Variants in EIF3H observed in about 807,000 individuals in gnomAD.
EIF3H encodes eIF-3-gamma.
A neutral mutation model predicts 44.2 loss-of-function variants in EIF3H; 26 were observed. The observed-to-expected ratio is 0.59, with a 90% CI of 0.43 to 0.82. The LOEUF is 0.82. Ranked by LOEUF, EIF3H falls within the 40% of genes least tolerant of loss-of-function variation. The pLI is 0.00. For missense variants in EIF3H, 359 were observed against 432.8 expected (o/e 0.83, Z 1.51); for synonymous variants, 166 against 151.9 (o/e 1.09, Z -0.68).
At chr8:116,659,240 C>G (rs2130795300) in intron 2 of EIF3H, among the ~76,000 whole-genome samples, 1 of 152,240 alleles carries the variant, frequency 6.6e-6, no homozygotes, top group Non-Finnish European at 1.5e-5. Context: ...ATACCTTGTT[C>G]TAACCAAAGA....
intron 2 of EIF3H, among the ~76,000 whole-genome samples, chr8:116,663,847 T>A (rs1232652959): frequency 6.6e-6 from 1 of 151,362 alleles, no homozygotes; most frequent in Non-Finnish European, 1.5e-5. Context: ...GCAAGAATTG[T>A]TTGAGCCCGT....
chr8:116,763,026 CTA>C (rs1285377357), intron 1 of EIF3H, among the ~76,000 whole-genome samples: 6 of 152,190 alleles, frequency 3.9e-5, no homozygotes, highest in Non-Finnish European at 8.8e-5. Context: ...AATCAGGAGT[CTA>C]TTCCTACAAA....
chr8:116,675,461 A>G (rs562713275), intron 2 of EIF3H, among the ~76,000 whole-genome samples: 2 of 152,268 alleles, frequency 1.3e-5, no homozygotes, highest in East Asian at 3.9e-4. Flanking sequence ...CCCGGCCTCT[A>G]TCCTCTATAT....
At chr8:116,680,366 C>T (rs1470921982) in intron 2 of EIF3H, among the ~76,000 whole-genome samples, 2 of 60,114 alleles carry the variant, frequency 3.3e-5, no homozygotes, top group African/African-American at 1.1e-4. Flanking sequence ...ATGACAATGG[C>T]GGTTTTGTGG....
chr8:116,763,377 G>A (rs1298684979), intron 1 of EIF3H, among the ~76,000 whole-genome samples: 4 of 152,198 alleles, frequency 2.6e-5, no homozygotes, highest in African/African-American at 7.2e-5. Context: ...GGCAAGGGGA[G>A]AAGAAATTAC....
chr8:116,719,191 T>C (rs559650258), intron 2 of EIF3H, among the ~76,000 whole-genome samples: 3 of 152,322 alleles, frequency 2.0e-5, no homozygotes, highest in East Asian at 1.9e-4. Context: ...AAGTTTGTAA[T>C]CTTCTCTCAA....
intron 1 of EIF3H, among the ~76,000 whole-genome samples, chr8:116,743,799 AACACACACAC>A (rs368555154): frequency 0.036 from 3,177 of 87,060 alleles, 79 homozygotes; most frequent in African/African-American, 0.068. Flanking sequence ...TATATATATA[AACACACACAC>A]ACACACACAC....
chr8:116,678,910 AG>A (rs1435206284), intron 2 of EIF3H, among the ~76,000 whole-genome samples: 9 of 71,008 alleles, frequency 1.3e-4, no homozygotes, highest in Non-Finnish European at 2.9e-4. Flanking sequence ...CCGGGAGGTG[AG>A]GGGCTCCTCT....
chr8:116,731,222 T>A (rs1309749439), intron 1 of EIF3H, among the ~76,000 whole-genome samples: 1 of 152,172 alleles, frequency 6.6e-6, no homozygotes, highest in African/African-American at 2.4e-5. Flanking sequence ...TAAAGAGCTT[T>A]TTTTAGATAA....
At chr8:116,708,440 C>A (rs950123636) in intron 2 of EIF3H, among the ~76,000 whole-genome samples, 2 of 151,712 alleles carry the variant, frequency 1.3e-5, no homozygotes, top group African/African-American at 4.8e-5. Context: ...ACAAAGATAC[C>A]AATAAATACC....
chr8:116,691,826 C>T (rs1374388988), intron 2 of EIF3H, among the ~76,000 whole-genome samples: 3 of 147,006 alleles, frequency 2.0e-5, no homozygotes, highest in African/African-American at 7.6e-5. Flanking sequence ...AAGCAGAGAT[C>T]ACGCCACTGC....
chr8:116,658,612 A>T, intron 3 of EIF3H: 1 of 518,634 alleles, frequency 1.9e-6, no homozygotes, highest in Non-Finnish European at 3.4e-6. Context: ...AAATGTACAC[A>T]TCAGGGCTCT....
chr8:116,666,365 G>A (rs1198874827), intron 2 of EIF3H, among the ~76,000 whole-genome samples: 1 of 152,094 alleles, frequency 6.6e-6, no homozygotes, highest in Non-Finnish European at 1.5e-5. Context: ...AGGTTTTACT[G>A]TGTCTCAAGA....
chr8:116,742,568 CTT>C (rs1358606950), intron 1 of EIF3H, among the ~76,000 whole-genome samples: 1 of 152,080 alleles, frequency 6.6e-6, no homozygotes, highest in Admixed American at 6.5e-5. Flanking sequence ...AAACAAAAAA[CTT>C]TTCAGAATTG....
In EIF3H at chr8:116,730,854, G is replaced by A. The variant is rs114396092; in HGVS notation, c.133-4682C>T. Among the ~76,000 whole-genome samples, 620 of 152,246 alleles carry A rather than the reference G, an allele frequency of 4.1e-3. 3 individuals carry two copies. The highest frequency in any genetic ancestry group is 0.015 in the African/African-American group (606 of 41,540). ...TATGTCAAGCACTCCACCGTCTTAC[G>A]TGCAAGGACTCATTTAATCCTTACA... On this transcript the variant is annotated intron_variant, in intron 1 of 7. Transcript: ENST00000521861.
chr8:116,690,686 C>A (rs1814159979), intron 2 of EIF3H, among the ~76,000 whole-genome samples: 1 of 152,204 alleles, frequency 6.6e-6, no homozygotes, highest in East Asian at 1.9e-4. Context: ...CTAACTGCCA[C>A]TTCCAGGTGT....
chr8:116,699,906 G>A (rs962566790), intron 2 of EIF3H, among the ~76,000 whole-genome samples: 2 of 152,048 alleles, frequency 1.3e-5, no homozygotes, highest in Non-Finnish European at 1.5e-5. Flanking sequence ...TGCCTCCTGG[G>A]TTCAAGAGAC....
At chr8:116,750,759 A>T (rs62510193) in intron 1 of EIF3H, among the ~76,000 whole-genome samples, 3,839 of 152,164 alleles carry the variant, frequency 0.025, 130 homozygotes, top group Admixed American at 0.095. Context: ...AGGGGCTGGA[A>T]TGTACAGTTC....
At chr8:116,750,053 T>C (rs1324298121) in intron 1 of EIF3H, among the ~76,000 whole-genome samples, 14 of 152,284 alleles carry the variant, frequency 9.2e-5, no homozygotes, top group Non-Finnish European at 1.5e-4. Context: ...TGACTGAGAA[T>C]GGTCATGAGA....
Sources: gnomAD v4.1 joint callset for allele counts (sites outside exome capture counted in the v4.1 genomes callset) on GRCh38, gnomAD v4.1.1 for gene constraint, MANE v1.5 for transcripts, NCBI Gene and HGNC (gene_info 2026-07-23, HGNC 2026-07-21) for gene names.